CSMD1: variants seen among roughly 807,000 people sequenced by gnomAD.
The protein encoded by CSMD1 is CUB and sushi domain-containing protein 1.
Under a neutral mutation model 417.5 loss-of-function variants are expected in CSMD1, and 213 were observed. The observed-to-expected ratio is 0.51, with a 90% CI of 0.46 to 0.57. The LOEUF (loss-of-function observed/expected upper bound fraction) is 0.57, where lower values mean the gene tolerates loss of function less well. Among genes scored for constraint, CSMD1 ranks in the 20% least tolerant of loss-of-function variants. CSMD1 has a pLI of 0.00. For synonymous variants in CSMD1, 2,862 were observed against 1,736.8 expected, an observed-to-expected ratio of 1.65 and a Z score of -16.11; for missense variants, 6,923 against 4,529.7, an observed-to-expected ratio of 1.53 and a Z score of -15.17.
chr8:4,584,691 G>C (rs1799613080), intron 2 of CSMD1, among the ~76,000 whole-genome samples: 1 of 152,102 alleles, frequency 6.6e-6, no homozygotes, highest in African/African-American at 2.4e-5. Flanking sequence ...TGTCGCCCAA[G>C]CCAGACTTGC....
intron 7 of CSMD1, among the ~76,000 whole-genome samples, chr8:3,698,994 T>C (rs1364283737): frequency 6.6e-6 from 1 of 152,190 alleles, no homozygotes; most frequent in Admixed American, 6.5e-5. Flanking sequence ...TCTCCTTTCC[T>C]TTCATCCCAC....
chr8:4,109,292 G>A (rs188863081), intron 3 of CSMD1, among the ~76,000 whole-genome samples: 12 of 152,018 alleles, frequency 7.9e-5, no homozygotes, highest in Non-Finnish European at 1.2e-4. Context: ...AGATATGAAG[G>A]AGCAGCTGTA....
intron 55 of CSMD1, 57 bp downstream of exon 55, chr8:2,978,555 G>C (rs1488088493): frequency 6.7e-6 from 9 of 1,344,760 alleles, no homozygotes; most frequent in South Asian, 1.5e-5. Flanking sequence ...GGAATTTTCT[G>C]CTGATGGTGA....
At chr8:3,971,594 TCA>T (rs1236399455) in intron 5 of CSMD1, among the ~76,000 whole-genome samples, 1 of 152,162 alleles carries the variant, frequency 6.6e-6, no homozygotes, top group Admixed American at 6.5e-5. Flanking sequence ...TAGAATATGT[TCA>T]GTTTTGACGG....
intron 1 of CSMD1, among the ~76,000 whole-genome samples, chr8:4,920,087 T>C (rs117610818): frequency 0.023 from 3,432 of 152,162 alleles, 39 homozygotes; most frequent in Middle Eastern, 0.065. Flanking sequence ...AAAAGACAAA[T>C]AGAAGACAAT....
chr8:4,825,455 A>G (rs1477796997), intron 1 of CSMD1, among the ~76,000 whole-genome samples: 2 of 152,076 alleles, frequency 1.3e-5, no homozygotes, highest in African/African-American at 4.8e-5. Context: ...GAACTTACTC[A>G]GTTTGCATGA....
At chr8:2,988,841 A>G (rs569621859) in intron 54 of CSMD1, among the ~76,000 whole-genome samples, 9 of 152,202 alleles carry the variant, frequency 5.9e-5, no homozygotes, top group South Asian at 2.1e-4. Flanking sequence ...TGAAGGGTTG[A>G]ACCTGAGAAT....
At chr8:3,251,991 A>C (rs949567981) in intron 26 of CSMD1, among the ~76,000 whole-genome samples, 2 of 152,230 alleles carry the variant, frequency 1.3e-5, no homozygotes, top group African/African-American at 2.4e-5. Context: ...TTCTAGATAT[A>C]GAATCATGTC....
chr8:4,138,570 T>C (rs1043174948), intron 3 of CSMD1, among the ~76,000 whole-genome samples: 8 of 152,106 alleles, frequency 5.3e-5, no homozygotes, highest in Non-Finnish European at 1.0e-4. Context: ...ATCCCCTGGA[T>C]CAGATCCTAG....
At chr8:4,463,483 A>G (rs1227666579) in intron 2 of CSMD1, among the ~76,000 whole-genome samples, 4 of 152,246 alleles carry the variant, frequency 2.6e-5, no homozygotes, top group Non-Finnish European at 5.9e-5. Flanking sequence ...AGAGTTATTC[A>G]TAATTGCAAA....
At chr8:4,498,665 G>A (rs1275260625) in intron 2 of CSMD1, among the ~76,000 whole-genome samples, 2 of 152,160 alleles carry the variant, frequency 1.3e-5, no homozygotes, top group East Asian at 1.9e-4. Flanking sequence ...CAAAGAGGGA[G>A]CTCATGTTTA....
chr8:3,461,311 G>A (rs1024009911), intron 12 of CSMD1, among the ~76,000 whole-genome samples: 17 of 152,304 alleles, frequency 1.1e-4, no homozygotes, highest in East Asian at 9.7e-4. Context: ...GAGGGAATGC[G>A]CTTCTGAAGG....
intron 1 of CSMD1, among the ~76,000 whole-genome samples, chr8:4,756,982 T>G (rs749143546): frequency 3.3e-5 from 5 of 152,164 alleles, no homozygotes; most frequent in African/African-American, 4.8e-5. Flanking sequence ...GAGGAAAGAG[T>G]GCAGATATAG....
chr8:4,732,688 C>G (rs1809981329), intron 1 of CSMD1, among the ~76,000 whole-genome samples: 1 of 152,134 alleles, frequency 6.6e-6, no homozygotes, highest in African/African-American at 2.4e-5. Context: ...TGTATCCTTG[C>G]TCTGACTAAG....
At chr8:3,730,070 G>T (rs1585146150) in intron 6 of CSMD1, among the ~76,000 whole-genome samples, 1 of 151,756 alleles carries the variant, frequency 6.6e-6, no homozygotes, top group South Asian at 2.1e-4. Flanking sequence ...TTAAGGCTGT[G>T]ATTCTGCTCT....
Position 4,619,046 on chromosome 8 carries a change from G to C in CSMD1, c.302+18296C>G, listed in dbSNP as rs372071735. Among the ~76,000 whole-genome samples, 8 of 152,214 alleles carry C rather than the reference G, an allele frequency of 5.3e-5. No homozygotes were observed. The East Asian group carries it at 1.2e-3, about 22-fold the overall frequency. On this transcript the variant is annotated intron_variant, in intron 2 of 69. Transcript: ENST00000635120. ...AAATAATTTACCTATTTACTTCTCTGCTCAAGCATTTTTTCCCGGTACGAA... is the reference window on the plus strand; with the variant it reads ...AAATAATTTACCTATTTACTTCTCTCCTCAAGCATTTTTTCCCGGTACGAA...
intron 5 of CSMD1, among the ~76,000 whole-genome samples, chr8:3,983,414 G>A (rs553190132): frequency 2.6e-5 from 4 of 152,012 alleles, no homozygotes; most frequent in African/African-American, 9.6e-5. Flanking sequence ...ACAGGCGTGA[G>A]CCACCGCGCC....
intron 4 of CSMD1, among the ~76,000 whole-genome samples, chr8:4,008,102 G>C (rs940475394): frequency 6.6e-6 from 1 of 152,108 alleles, no homozygotes; most frequent in Admixed American, 6.5e-5. Flanking sequence ...AAACTCACCA[G>C]AGCTGCATGA....
chr8:3,097,144 C>A, intron 46 of CSMD1, 107 bp from the exon 47 acceptor site: 1 of 902,104 alleles, frequency 1.1e-6, no homozygotes, highest in East Asian at 2.8e-5. Flanking sequence ...AAAAAGCAAT[C>A]TTATTGAGCT....
Sources: gnomAD v4.1 joint callset for allele counts (sites outside exome capture counted in the v4.1 genomes callset) on GRCh38, gnomAD v4.1.1 for gene constraint, MANE v1.5 for transcripts, NCBI Gene and HGNC (gene_info 2026-07-23, HGNC 2026-07-21) for gene names.